Variants in SLC24A1 observed in about 807,000 individuals in gnomAD.
The protein encoded by SLC24A1 is solute carrier family 24 member 1.
A neutral mutation model predicts 88.1 loss-of-function variants in SLC24A1; 52 were observed. That is an observed-to-expected ratio of 0.59 (90% CI 0.47 to 0.74). SLC24A1 has a LOEUF of 0.74. SLC24A1 is among the 30% of genes least tolerant of loss of function. The pLI, the probability that SLC24A1 is intolerant of heterozygous loss-of-function variation, is 0.00. For synonymous variants in SLC24A1, 455 were observed against 498.0 expected, an observed-to-expected ratio of 0.91 and a Z score of 1.15; for missense variants, 1,173 against 1,363.3, an observed-to-expected ratio of 0.86 and a Z score of 2.20.
upstream of SLC24A1, among the ~76,000 whole-genome samples, chr15:65,620,093 T>C (rs2074272046): frequency 6.7e-6 from 1 of 149,982 alleles, no homozygotes; most frequent in Admixed American, 6.7e-5. Flanking sequence ...TAAATAACTT[T>C]ATTTATAATA....
downstream of SLC24A1, chr15:65,657,907 C>T (rs997891356): frequency 1.3e-5 from 2 of 152,148 alleles, no homozygotes; most frequent in African/African-American, 2.4e-5. Context: ...TTAGGTCCTT[C>T]GCTGTATGAG....
In SLC24A1 at chr15:65,650,819, G is replaced by A; in HGVS notation, c.2670G>A (p.Glu890=). The change falls in exon 7 of 10, where the codon GAG becomes GAA. Residue 890 remains glutamate, a synonymous_variant. Coordinates refer to ENST00000261892, the MANE Select transcript of SLC24A1 (RefSeq NM_004727.3). This position sits in a 1 kb window ranked among gnomAD's most constrained non-coding sequence, Gnocchi z 4.1. ...AGGAGGAGGAGGAGGAAGAGGAGGAGAAGGGAAATGAAGAGCCTCTGTCCC... is the reference window on the plus strand; with the variant it reads ...AGGAGGAGGAGGAGGAAGAGGAGGAAAAGGGAAATGAAGAGCCTCTGTCCC... ...EEEEEEEEEE[E]KGNEEPLSLD... The A allele has an allele frequency of 1.2e-6, 2 of 1,613,550 alleles. No homozygotes were observed. Among genetic ancestry groups the A allele is most frequent in the African/African-American group, 2.7e-5 (2 of 74,926 alleles).
intron 6 of SLC24A1, among the ~76,000 whole-genome samples, chr15:65,647,673 C>CAG (rs2075352079): frequency 6.6e-6 from 1 of 152,076 alleles, no homozygotes; most frequent in South Asian, 2.1e-4. Flanking sequence ...GCAGAACAGA[C>CAG]AGACGCTCCC....
Position 65,654,954 on chromosome 15 carries a change from C to A in SLC24A1, c.*875C>A. On this transcript the variant is annotated 3_prime_UTR_variant, in exon 10 of 10. Coordinates refer to ENST00000261892, the MANE Select transcript of SLC24A1 (RefSeq NM_004727.3). Reference sequence around the variant, plus strand: ...TACATTAACTCTTATTGTTGTGTTTCTGAAAAGTGAAATTTAAAAAGCAGC... The same window carrying A: ...TACATTAACTCTTATTGTTGTGTTTATGAAAAGTGAAATTTAAAAAGCAGC... The A allele has an allele frequency of 9.9e-7, 1 of 1,006,206 alleles. No homozygotes were observed. The highest frequency in any genetic ancestry group is 1.2e-6 in the Non-Finnish European group (1 of 842,038). The allele number at this position is 1,006,206 out of a possible 1,614,324, so 62.3% of individuals were successfully genotyped here.
chr15:65,618,931 C>T (rs2074233244), upstream of SLC24A1: 1 of 152,230 alleles, frequency 6.6e-6, no homozygotes, highest in Admixed American at 6.5e-5. Flanking sequence ...AATCCTGTCT[C>T]TGAGCTGCAC....
At chr15:65,647,223 A>G (rs1436847471) in intron 6 of SLC24A1, among the ~76,000 whole-genome samples, 1 of 152,104 alleles carries the variant, frequency 6.6e-6, no homozygotes, top group Non-Finnish European at 1.5e-5. Flanking sequence ...CACACCTGTA[A>G]TCCCTGCACT....
upstream of SLC24A1, among the ~76,000 whole-genome samples, chr15:65,620,162 T>C (rs2074274707): frequency 6.6e-6 from 1 of 152,002 alleles, no homozygotes; most frequent in South Asian, 2.1e-4. Flanking sequence ...CCAAGCACTG[T>C]TCTGGGCTCT....
rs941639638 is a variant in SLC24A1 at position 65,637,000 on chromosome 15, G to A, written c.1891-1128G>A. ...CAGTAAGACACTGCCACAAGGAAGG[G>A]AAACAGATAACTGTAAGTTCATTGC... On this transcript the variant is annotated intron_variant, in intron 2 of 9. Transcript: ENST00000261892. Among the ~76,000 whole-genome samples the A allele has an allele frequency of 3.3e-5, 5 of 151,566 alleles. No individual in the cohort carries two copies. The East Asian group carries it at 5.8e-4, about 18-fold the overall frequency.
chr15:65,660,034 A>C, downstream of SLC24A1: 1 of 420,402 alleles, frequency 2.4e-6, no homozygotes, highest in Non-Finnish European at 4.3e-6. Context: ...GATGTTTATC[A>C]CCAGTGCCAA....
At chr15:65,637,147 T>A (rs2074969743) in intron 2 of SLC24A1, among the ~76,000 whole-genome samples, 1 of 151,954 alleles carries the variant, frequency 6.6e-6, no homozygotes. Context: ...AGACTGTGAG[T>A]GTAAAGTGGC....
At chr15:65,629,841 G>C (rs1035166156) in intron 2 of SLC24A1, among the ~76,000 whole-genome samples, 1 of 152,182 alleles carries the variant, frequency 6.6e-6, no homozygotes, top group Non-Finnish European at 1.5e-5. Flanking sequence ...GCAAAGCAGA[G>C]AAAAGAGCCT....
chr15:65,654,673 T>C lies in SLC24A1; in HGVS notation c.*594T>C, dbSNP rs2075615977. 6.3e-6 allele frequency: 8 copies of C among 1,273,298 alleles called. No homozygotes were observed. The South Asian group carries it at 7.7e-5, about 12-fold the overall frequency. The allele number at this position is 1,273,298 out of a possible 1,614,324, so 78.9% of individuals were successfully genotyped here. ...GAATTAATGATCATTCCACGTTTTG[T>C]AGCCCACTGCATCTGGATATATACC... On this transcript the variant is annotated 3_prime_UTR_variant, in exon 10 of 10. Transcript: ENST00000261892.
chr15:65,654,254 C>T lies in SLC24A1; in HGVS notation c.*175C>T, dbSNP rs144423491. On this transcript the variant is annotated 3_prime_UTR_variant, in exon 10 of 10. Transcript: ENST00000261892. ...AGTTTGTCCTTGGAAACACCTGCAG[C>T]TCATTGTGGATTAAGAACCTCACCC... The T allele has an allele frequency of 1.4e-6, 2 of 1,409,068 alleles. No homozygotes were observed. Among genetic ancestry groups the T allele is most frequent in the Non-Finnish European group, 1.8e-6 (2 of 1,087,914 alleles). 87.3% of individuals were successfully genotyped at this position (1,409,068 alleles called of 1,614,324 possible).
chr15:65,642,276 T>A (rs1198088391), intron 4 of SLC24A1, among the ~76,000 whole-genome samples: 1 of 152,242 alleles, frequency 6.6e-6, no homozygotes, highest in Non-Finnish European at 1.5e-5. Context: ...TCCACAGAGC[T>A]GATCCGTGGA....
At chr15:65,652,971 T>C in intron 9 of SLC24A1, 163 bp downstream of exon 9, 1 of 534,198 alleles carries the variant, frequency 1.9e-6, no homozygotes, top group Non-Finnish European at 3.1e-6. Context: ...TCATTCATCA[T>C]AGCCAGATGG....
In SLC24A1 at chr15:65,655,609, G is replaced by A. The variant is rs1019419697; in HGVS notation, c.*1530G>A. 7.1e-6 allele frequency: 7 copies of A among 985,198 alleles called. No homozygotes were observed. Among genetic ancestry groups the A allele is most frequent in the South Asian group, 4.7e-5 (1 of 21,286 alleles). 61.0% of individuals were successfully genotyped at this position (985,198 alleles called of 1,614,324 possible). A position where few individuals can be genotyped will look rare whatever the true frequency, so the allele number is the denominator to read the frequency against. ...TGGCTTCAGAGCAAAATGAGCTCGG[G>A]TGACTGCAGATTATGATGGTAAATA... On this transcript the variant is annotated 3_prime_UTR_variant, in exon 10 of 10. Transcript: ENST00000261892.
In SLC24A1 at chr15:65,653,909, G is replaced by C; in HGVS notation, c.3130G>C (p.Ala1044Pro). The C allele has an allele frequency of 6.2e-7, 1 of 1,613,952 alleles. No individual in the cohort carries two copies. Among genetic ancestry groups the C allele is most frequent in the Non-Finnish European group, 8.5e-7 (1 of 1,179,870 alleles). The change falls in exon 10 of 10, where the codon GCA becomes CCA. Residue 1044 changes from alanine to proline, a missense_variant. Transcript: ENST00000261892. ...VPVSSNGLFC[A>P]IVLLFLMLLF... ...AGTCAGCAGCAATGGCTTGTTTTGT[G>C]CAATTGTTTTGCTTTTTCTCATGCT... is the stretch of plus-strand genomic sequence containing the variant.
chr15:65,615,885 C>CA (rs2074125735), intron 2 of SLC24A1, among the ~76,000 whole-genome samples: 1 of 122,298 alleles, frequency 8.2e-6, no homozygotes, highest in South Asian at 3.3e-4. Flanking sequence ...CCCACCCCCC[C>CA]ACCCCCCAAC....
chr15:65,629,561 T>A (rs1307975940), intron 2 of SLC24A1, among the ~76,000 whole-genome samples: 1 of 152,234 alleles, frequency 6.6e-6, no homozygotes, highest in Non-Finnish European at 1.5e-5. Flanking sequence ...TGAAACTTAG[T>A]TTTCAAGTAT....
Sources: allele counts gnomAD v4.1 joint callset (sites outside exome capture counted in the v4.1 genomes callset), GRCh38; gene constraint gnomAD v4.1.1; non-coding constraint Gnocchi (gnomAD v3.1); transcripts MANE v1.5; gene names NCBI Gene and HGNC (gene_info 2026-07-23, HGNC 2026-07-21).